Variants in PEBP4 observed in about 807,000 individuals in gnomAD.
PEBP4 encodes phosphatidylethanolamine-binding protein 4.
PEBP4 carries 22 observed loss-of-function variants against 23.9 expected under a neutral mutation model. The ratio of observed to expected loss-of-function variants is 0.92; its 90% CI spans 0.66 to 1.31. The LOEUF is 1.31. Ranked by LOEUF, PEBP4 falls within the 40% of genes most tolerant of loss-of-function variation. The probability of loss-of-function intolerance (pLI) is 0.00; values close to 1 mark genes in which losing one functional copy is unlikely to be tolerated. For missense variants in PEBP4, 324 were observed against 281.7 expected (o/e 1.15, Z -1.07); for synonymous variants, 112 against 99.3 (o/e 1.13, Z -0.76).
chr8:22,750,400 A>C (rs1427891723), intron 4 of PEBP4, among the ~76,000 whole-genome samples: 1 of 152,186 alleles, frequency 6.6e-6, no homozygotes, highest in Non-Finnish European at 1.5e-5. Flanking sequence ...GCGCCCAGCC[A>C]GTTTGTGATT....
intron 4 of PEBP4, among the ~76,000 whole-genome samples, chr8:22,793,772 G>A (rs888215119): frequency 2.0e-5 from 3 of 152,012 alleles, no homozygotes; most frequent in African/African-American, 4.8e-5. Flanking sequence ...TATTTTGATA[G>A]GTATCATTCT....
At chr8:22,911,116 A>G (rs1238686413) in intron 3 of PEBP4, among the ~76,000 whole-genome samples, 1 of 152,140 alleles carries the variant, frequency 6.6e-6, no homozygotes, top group Non-Finnish European at 1.5e-5. Context: ...TAAAACATAA[A>G]GTCTATTAAA....
intron 3 of PEBP4, chr8:22,880,568 C>A (rs1333214253): frequency 6.6e-6 from 1 of 152,246 alleles, no homozygotes; most frequent in Non-Finnish European, 1.5e-5. Flanking sequence ...TGAACCGGAT[C>A]TCCATCCCTT....
upstream of PEBP4, among the ~76,000 whole-genome samples, chr8:22,930,436 C>T (rs144687903): frequency 1.7e-4 from 26 of 152,056 alleles, no homozygotes; most frequent in East Asian, 9.7e-4. Context: ...CTCCTCATCC[C>T]CCCAGCCTAT....
chr8:22,755,695 T>A (rs1805366060), intron 4 of PEBP4: 1 of 152,256 alleles, frequency 6.6e-6, no homozygotes, highest in Non-Finnish European at 1.5e-5. Context: ...CCATTACTGA[T>A]AATGTTAGAC....
At chr8:22,782,268 G>T (rs748984359) in intron 4 of PEBP4, among the ~76,000 whole-genome samples, 2 of 152,196 alleles carry the variant, frequency 1.3e-5, no homozygotes, top group Non-Finnish European at 2.9e-5. Flanking sequence ...TTACCAGTGG[G>T]CTTGATAACT....
chr8:22,886,243 A>G (rs1808372350), intron 3 of PEBP4: 3 of 152,162 alleles, frequency 2.0e-5, no homozygotes, highest in Admixed American at 6.5e-5. Flanking sequence ...GCCACCAACC[A>G]TGGAGTTCAG....
chr8:22,881,624 G>A (rs1436814560), intron 3 of PEBP4, among the ~76,000 whole-genome samples: 1 of 152,180 alleles, frequency 6.6e-6, no homozygotes, highest in African/African-American at 2.4e-5. Context: ...TCCCCATGGG[G>A]CAATGCTTCT....
chr8:22,838,627 C>T (rs1009422740), intron 3 of PEBP4, among the ~76,000 whole-genome samples: 36 of 152,358 alleles, frequency 2.4e-4, no homozygotes, highest in Admixed American at 7.2e-4. Context: ...TCAGCGTTTG[C>T]CTAAAAGCTA....
chr8:22,804,415 C>G (rs1023634144), intron 4 of PEBP4, among the ~76,000 whole-genome samples: 1 of 152,172 alleles, frequency 6.6e-6, no homozygotes, highest in East Asian at 1.9e-4. Flanking sequence ...TTGCCCAGGC[C>G]TGGATAAAGA....
intron 4 of PEBP4, among the ~76,000 whole-genome samples, chr8:22,814,768 T>C (rs765582140): frequency 2.0e-5 from 3 of 152,318 alleles, no homozygotes; most frequent in South Asian, 2.1e-4. Context: ...TGTAGTATTA[T>C]GGGGTCCAAA....
chr8:22,935,313 G>T (rs1210399125), intron 1 of PEBP4, among the ~76,000 whole-genome samples: 1 of 151,984 alleles, frequency 6.6e-6, no homozygotes, highest in Non-Finnish European at 1.5e-5. Flanking sequence ...TTGAGGTCAG[G>T]AGTTCAAGAC....
chr8:22,742,751 T>G (rs547602018), intron 4 of PEBP4, among the ~76,000 whole-genome samples: 1 of 151,382 alleles, frequency 6.6e-6, no homozygotes, highest in South Asian at 2.1e-4. Flanking sequence ...GAGAGAGGAG[T>G]TGAGGCTACG....
chr8:22,872,796 C>A (rs1563244547), intron 3 of PEBP4, among the ~76,000 whole-genome samples: 1 of 152,176 alleles, frequency 6.6e-6, no homozygotes, highest in Non-Finnish European at 1.5e-5. Flanking sequence ...CCTGCCTCTG[C>A]CTCCTGAGTA....
intron 3 of PEBP4, among the ~76,000 whole-genome samples, chr8:22,828,858 C>G (rs138653899): frequency 6.6e-6 from 1 of 152,222 alleles, no homozygotes; most frequent in East Asian, 1.9e-4. Flanking sequence ...GGCAATCTTT[C>G]CCTCTCTATC....
intron 3 of PEBP4, among the ~76,000 whole-genome samples, chr8:22,874,983 G>A (rs1443271778): frequency 6.6e-6 from 1 of 151,880 alleles, no homozygotes; most frequent in Non-Finnish European, 1.5e-5. Context: ...AGAAATGGAG[G>A]TTCTGGTGGT....
intron 4 of PEBP4, among the ~76,000 whole-genome samples, chr8:22,774,725 C>G (rs533761797): frequency 1.3e-5 from 2 of 152,196 alleles, no homozygotes; most frequent in Non-Finnish European, 2.9e-5. Context: ...TCTGGCCCAG[C>G]CGTCCCCACC....
chr8:22,725,997 A>ATGTGTGTGTGTG (rs1198943272), intron 5 of PEBP4, among the ~76,000 whole-genome samples: 13 of 79,840 alleles, frequency 1.6e-4, no homozygotes, highest in South Asian at 5.1e-4. Flanking sequence ...CAGATCAGAT[A>ATGTGTGTGTGTG]TATGTGTGTG....
intron 4 of PEBP4, among the ~76,000 whole-genome samples, chr8:22,733,693 C>T (rs1047453297): frequency 6.6e-6 from 1 of 151,846 alleles, no homozygotes; most frequent in African/African-American, 2.4e-5. Context: ...CCCATTTGCA[C>T]AGGAGGATTC....
Sources: gnomAD v4.1 joint callset for allele counts (sites outside exome capture counted in the v4.1 genomes callset) on GRCh38, gnomAD v4.1.1 for gene constraint, MANE v1.5 for transcripts, NCBI Gene and HGNC (gene_info 2026-07-23, HGNC 2026-07-21) for gene names.